Variants in PCDH15 observed in about 807,000 individuals in gnomAD.
The protein encoded by PCDH15 is protocadherin related 15.
In PCDH15, 129 loss-of-function variants were observed where a neutral mutation model predicts 178.5. The observed-to-expected ratio is 0.72, with a 90% CI of 0.63 to 0.84. The LOEUF (loss-of-function observed/expected upper bound fraction) is 0.84. Ranked by LOEUF, PCDH15 falls within the 40% of genes least tolerant of loss-of-function variation. The pLI is 0.00. For synonymous variants in PCDH15, 800 were observed against 732.0 expected (o/e 1.09, Z -1.50); for missense variants, 2,230 against 2,099.9 (o/e 1.06, Z -1.21).
chr10:54,804,285 C>T (rs146592235), upstream of PCDH15, among the ~76,000 whole-genome samples: 14,251 of 152,152 alleles, frequency 0.094, 865 homozygotes, highest in Non-Finnish European at 0.14. Context: ...GTGATCCTCC[C>T]GCCTCGGCCT....
At chr10:54,672,721 T>TA (rs1187349075) in intron 1 of PCDH15, among the ~76,000 whole-genome samples, 1 of 76,150 alleles carries the variant, frequency 1.3e-5, no homozygotes, top group African/African-American at 5.2e-5. Context: ...ATTTAAATAC[T>TA]AAATAATGAG....
At chr10:54,622,712 T>C (rs1452024311) in intron 2 of PCDH15, among the ~76,000 whole-genome samples, 2 of 93,924 alleles carry the variant, frequency 2.1e-5, no homozygotes, top group Non-Finnish European at 4.1e-5. Flanking sequence ...CTATATATTA[T>C]ATATAATATA....
intron 2 of PCDH15, among the ~76,000 whole-genome samples, chr10:54,598,151 T>A (rs778876530): frequency 6.6e-6 from 1 of 152,028 alleles, no homozygotes; most frequent in Admixed American, 6.6e-5. Context: ...ATCATCCTGA[T>A]AACAAAACCT....
rs192955401 is a variant in PCDH15 at position 54,242,393 on chromosome 10, A to T, written c.877-5462T>A. On this transcript the variant is annotated intron_variant, in intron 8 of 37. Transcript: ENST00000644397. Reference sequence around the variant, plus strand: ...ATTGGATACATTCACTGTTTAGCTTATATCAGGTTAACAGAAGTCATGATC... The same window carrying T: ...ATTGGATACATTCACTGTTTAGCTTTTATCAGGTTAACAGAAGTCATGATC... 4.6e-3 allele frequency among the ~76,000 whole-genome samples: 701 copies of T among 151,640 alleles called. 1 individual carries two copies. The highest frequency in any genetic ancestry group is 6.8e-3 in the Middle Eastern group (2 of 292).
At chr10:53,807,906 CAAGGGTTAAGCAATA>C (rs1447288416) in intron 37 of PCDH15, among the ~76,000 whole-genome samples, 1 of 152,040 alleles carries the variant, frequency 6.6e-6, no homozygotes, top group Non-Finnish European at 1.5e-5. Flanking sequence ...TAGCAAGAAG[CAAGGGTTAAGCAATA>C]CTGTGTTTTT....
chr10:55,539,846 G>C (rs1223360014), intron 2 of PCDH15, among the ~76,000 whole-genome samples: 1 of 151,992 alleles, frequency 6.6e-6, no homozygotes. Flanking sequence ...AACATTTAGT[G>C]TCAATTACGA....
intron 1 of PCDH15, among the ~76,000 whole-genome samples, chr10:55,241,271 C>T (rs1841535776): frequency 6.6e-6 from 1 of 152,092 alleles, no homozygotes; most frequent in Admixed American, 6.5e-5. Flanking sequence ...AAAACTATCA[C>T]TGGTTTAAAA....
At chr10:54,037,200 T>C (rs1248553139) in intron 18 of PCDH15, among the ~76,000 whole-genome samples, 2 of 151,986 alleles carry the variant, frequency 1.3e-5, no homozygotes, top group Non-Finnish European at 2.9e-5. Flanking sequence ...ACAGATAATT[T>C]AGAATATTTT....
chr10:54,966,291 TTTTA>T (rs1194635230), intron 2 of PCDH15, among the ~76,000 whole-genome samples: 9 of 152,018 alleles, frequency 5.9e-5, no homozygotes, highest in Non-Finnish European at 1.3e-4. Flanking sequence ...TGTTTATTTA[TTTTA>T]TTTTATTTTT....
At chr10:54,219,834 G>A (rs561972013) in intron 9 of PCDH15, among the ~76,000 whole-genome samples, 29 of 151,946 alleles carry the variant, frequency 1.9e-4, no homozygotes, top group Non-Finnish European at 3.1e-4. Context: ...TTGTCAGAAT[G>A]CTCTAAAAAT....
chr10:54,755,112 A>G (rs1379877389), intron 1 of PCDH15, among the ~76,000 whole-genome samples: 1 of 151,688 alleles, frequency 6.6e-6, no homozygotes, highest in Admixed American at 6.6e-5. Context: ...TTGTATTTTC[A>G]GTAGAGACAG....
At chr10:54,095,405 T>G (rs894195183) in intron 15 of PCDH15, among the ~76,000 whole-genome samples, 1 of 151,904 alleles carries the variant, frequency 6.6e-6, no homozygotes, top group Non-Finnish European at 1.5e-5. Flanking sequence ...GGTCAGTTCA[T>G]TAAATATTCC....
chr10:55,335,659 C>A lies in PCDH15; in HGVS notation c.-155-169008G>T, dbSNP rs1257296397. On this transcript the variant is annotated intron_variant, in intron 2 of 5. Coordinates refer to the PCDH15 transcript ENST00000613346. The stretch of plus-strand genomic sequence containing the variant: ...AAAGACTGGAGAGATCAGAGTCACA[C>A]AGGAAACGCACAGTTTGTTATTATA... 2.6e-5 allele frequency among the ~76,000 whole-genome samples: 4 copies of A among 152,072 alleles called. 1 individual carries two copies. Among genetic ancestry groups the A allele is most frequent in the Admixed American group, 6.6e-5 (1 of 15,250 alleles).
intron 2 of PCDH15, among the ~76,000 whole-genome samples, chr10:55,523,025 T>C (rs1370934556): frequency 6.6e-6 from 1 of 151,700 alleles, no homozygotes; most frequent in East Asian, 1.9e-4. Context: ...AACATAGTTA[T>C]TACAGTCTAT....
At chr10:54,980,402 TTATTA>T (rs1839202453) in intron 2 of PCDH15, among the ~76,000 whole-genome samples, 1 of 152,104 alleles carries the variant, frequency 6.6e-6, no homozygotes, top group African/African-American at 2.4e-5. Flanking sequence ...ATTTCTTATT[TTATTA>T]TATTTCTTAT....
At chr10:55,062,166 G>A (rs1024768425) in intron 2 of PCDH15, among the ~76,000 whole-genome samples, 2 of 152,158 alleles carry the variant, frequency 1.3e-5, no homozygotes, top group Non-Finnish European at 2.9e-5. Flanking sequence ...TGGGGTTTTG[G>A]GAAGTGATCA....
chr10:55,077,981 C>G (rs1288940251), intron 2 of PCDH15, among the ~76,000 whole-genome samples: 1 of 152,160 alleles, frequency 6.6e-6, no homozygotes. Flanking sequence ...TTCAGAACTT[C>G]TTTCAGCATT....
intron 2 of PCDH15, among the ~76,000 whole-genome samples, chr10:55,116,411 G>A (rs1160732847): frequency 2.0e-5 from 3 of 151,928 alleles, no homozygotes; most frequent in African/African-American, 7.3e-5. Context: ...CAATATAATA[G>A]GTAAGCAAAA....
At chr10:54,534,721 T>C (rs1253539920) in intron 2 of PCDH15, among the ~76,000 whole-genome samples, 1 of 152,194 alleles carries the variant, frequency 6.6e-6, no homozygotes, top group African/African-American at 2.4e-5. Context: ...TCTCTTTAAA[T>C]TTCATGCTAC....
Sources: allele counts gnomAD v4.1 joint callset (sites outside exome capture counted in the v4.1 genomes callset), GRCh38; gene constraint gnomAD v4.1.1; transcripts MANE v1.5; gene names NCBI Gene and HGNC (gene_info 2026-07-23, HGNC 2026-07-21).